FNIP2: variants seen among roughly 807,000 people sequenced by gnomAD.
The protein encoded by FNIP2 is folliculin-interacting protein 2.
A neutral mutation model predicts 108.7 loss-of-function variants in FNIP2; 32 were observed. The observed-to-expected ratio is 0.29, with a 90% CI of 0.22 to 0.40. The LOEUF (loss-of-function observed/expected upper bound fraction) is 0.40, where lower values mean the gene tolerates loss of function less well. Ranked by LOEUF, FNIP2 falls within the 10% of genes least tolerant of loss-of-function variation. The pLI, the probability that FNIP2 is intolerant of heterozygous loss-of-function variation, is 1.00. For missense variants in FNIP2, 1,202 were observed against 1,381.6 expected (o/e 0.87, Z 2.06); for synonymous variants, 480 against 496.7 (o/e 0.97, Z 0.45).
At chr4:158,839,903 A>G (rs1779028135) in intron 7 of FNIP2, among the ~76,000 whole-genome samples, 1 of 152,218 alleles carries the variant, frequency 6.6e-6, no homozygotes, top group Non-Finnish European at 1.5e-5. Context: ...AAGCAGCACA[A>G]GCTGGGGCAG....
chr4:158,835,561 A>AGGGT, intron 7 of FNIP2, 85 bp downstream of exon 7: 1 of 1,207,436 alleles, frequency 8.3e-7, no homozygotes, highest in Non-Finnish European at 1.2e-6. Context: ...AGACAGGTAG[A>AGGGT]TAACCCTCAT....
Position 158,868,199 on chromosome 4 carries a change from G to C in FNIP2, c.1563G>C (p.Leu521=), listed in dbSNP as rs757770926. ...KDLVQRILYV[L]TYFLRCSELQ... ...TAGTCCAGCGAATACTTTATGTCCTGACCTACTTTCTCCGTTGCTCTGAGC... is the reference window on the plus strand; with the variant it reads ...TAGTCCAGCGAATACTTTATGTCCTCACCTACTTTCTCCGTTGCTCTGAGC... Residue 521 remains leucine (L), a synonymous_variant, in exon 13 of 17, where the codon CTG becomes CTC. Transcript: ENST00000264433. The surrounding 1 kb of genome is among the most constrained non-coding windows in gnomAD (Gnocchi z 4.6). The C allele has an allele frequency of 1.2e-6, 2 of 1,614,046 alleles. No homozygotes were observed. The highest frequency in any genetic ancestry group is 1.7e-6 in the Non-Finnish European group (2 of 1,179,900).
rs901726314 is a variant in FNIP2, at chr4:158,835,549, G to A, written c.727+73G>A. On this transcript the variant is annotated intron_variant, in intron 7 of 16. Coordinates refer to ENST00000264433, the MANE Select transcript of FNIP2 (RefSeq NM_020840.3). ...CAGTGGTGTGGAAGGTGGGAAAGTA[G>A]AAGACAGGTAGATAACCCTCATCCT... 2.2e-6 allele frequency: 3 copies of A among 1,364,016 alleles called. No homozygotes were observed. In the African/African-American group the frequency reaches 4.3e-5, roughly 20 times the overall value. 84.5% of individuals were successfully genotyped at this position (1,364,016 alleles called of 1,614,324 possible). A position where few individuals can be genotyped will look rare whatever the true frequency, so the allele number is the denominator to read the frequency against.
chr4:158,806,477 G>C (rs1394615974), intron 1 of FNIP2: 3 of 1,165,624 alleles, frequency 2.6e-6, no homozygotes, highest in Admixed American at 2.4e-5. Context: ...TTAATTTACT[G>C]TGTAGTAAGG....
intron 7 of FNIP2, 78 bp from the exon 8 acceptor site, chr4:158,851,241 TAC>T (rs1003228693): frequency 6.8e-7 from 1 of 1,479,052 alleles, no homozygotes; most frequent in African/African-American, 1.4e-5. Flanking sequence ...TGATATTAAA[TAC>T]ATTCTTAATG....
chr4:158,806,029 G>T lies in FNIP2; in HGVS notation c.108-19887G>T, dbSNP rs1028264540. The T allele has an allele frequency of 5.4e-5, 39 of 721,728 alleles. No individual in the cohort carries two copies. In the Admixed American group the frequency reaches 2.0e-3, roughly 36 times the overall value. 44.7% of individuals were successfully genotyped at this position (721,728 alleles called of 1,614,324 possible). ...GGCAGGCTTAATTTACGTAACAAAT[G>T]AATGTTCCACCTTTTTTTTTTTTTA... On this transcript the variant is annotated intron_variant, in intron 1 of 16. Transcript: ENST00000264433.
At chr4:158,814,498 A>G (rs1329209574) in intron 1 of FNIP2, among the ~76,000 whole-genome samples, 4 of 152,216 alleles carry the variant, frequency 2.6e-5, no homozygotes, top group Non-Finnish European at 5.9e-5. Flanking sequence ...CCCTGCCTAC[A>G]TGCAAACACC....
intron 1 of FNIP2, among the ~76,000 whole-genome samples, chr4:158,812,821 A>G (rs183067382): frequency 1.3e-5 from 2 of 151,504 alleles, no homozygotes; most frequent in Admixed American, 1.3e-4. Flanking sequence ...CAAAAGTATA[A>G]TGACATGTAT....
intron 14 of FNIP2, among the ~76,000 whole-genome samples, chr4:158,878,913 A>G (rs1781432420): frequency 7.4e-6 from 1 of 135,170 alleles, no homozygotes; most frequent in Admixed American, 7.4e-5. Context: ...CTGAAATTAA[A>G]ACTCCAGGTA....
At chr4:158,883,396 T>C (rs1212457106) in intron 14 of FNIP2, among the ~76,000 whole-genome samples, 9 of 152,050 alleles carry the variant, frequency 5.9e-5, no homozygotes, top group East Asian at 1.9e-4. Context: ...CGCCCGCCAC[T>C]ATGCCCGGCT....
chr4:158,886,421 G>A (rs1782027863), intron 14 of FNIP2, among the ~76,000 whole-genome samples: 1 of 152,164 alleles, frequency 6.6e-6, no homozygotes, highest in African/African-American at 2.4e-5. Flanking sequence ...ACCCAATTAA[G>A]TTTCTGTGGG....
At chr4:158,804,633 T>G (rs927516455) in intron 1 of FNIP2, among the ~76,000 whole-genome samples, 1 of 152,126 alleles carries the variant, frequency 6.6e-6, no homozygotes, top group Non-Finnish European at 1.5e-5. Flanking sequence ...GGCTGGTCTT[T>G]AAATCCTGCT....
intron 1 of FNIP2, among the ~76,000 whole-genome samples, chr4:158,814,000 T>C (rs961526939): frequency 2.0e-5 from 3 of 152,252 alleles, no homozygotes; most frequent in Admixed American, 6.5e-5. Context: ...TGTGGATTTT[T>C]TTCTGAAGTC....
At chr4:158,847,019 C>T (rs1779442798) in intron 7 of FNIP2, among the ~76,000 whole-genome samples, 1 of 152,210 alleles carries the variant, frequency 6.6e-6, no homozygotes, top group Admixed American at 6.5e-5. Context: ...CAACACCAGG[C>T]AGAGCTCAGC....
chr4:158,796,966 G>C (rs1292278835), intron 1 of FNIP2, among the ~76,000 whole-genome samples: 1 of 152,156 alleles, frequency 6.6e-6, no homozygotes. Flanking sequence ...CTTGTACTCA[G>C]CCTGATCATG....
intron 14 of FNIP2, chr4:158,889,784 T>C (rs1782192920): frequency 1.0e-6 from 1 of 974,408 alleles, no homozygotes; most frequent in Non-Finnish European, 1.2e-6. Flanking sequence ...AAAATACAAA[T>C]ATTTGAAGTG....
chr4:158,825,404 C>T (rs1181297322), intron 1 of FNIP2, among the ~76,000 whole-genome samples: 3 of 152,112 alleles, frequency 2.0e-5, no homozygotes, highest in African/African-American at 4.8e-5. Flanking sequence ...TAGCCATAAT[C>T]GGGGAAGATA....
chr4:158,777,486 A>G lies in FNIP2; in HGVS notation c.107+8167A>G, dbSNP rs559052912. On this transcript the variant is annotated intron_variant, in intron 1 of 16. Transcript: ENST00000264433. ...GAATCTGACATGTTCTTTAAAAAGA[A>G]TGTGCCAGACTAACATATCATTAAT... Among the ~76,000 whole-genome samples the G allele has an allele frequency of 5.9e-5, 9 of 152,380 alleles. No homozygotes were observed. The South Asian group carries it at 1.9e-3, about 32-fold the overall frequency.
At position 158,769,096 on chromosome 4, in the gene FNIP2, C is replaced by T. The variant is rs927452025; in HGVS notation, c.-117C>T. 8.0e-6 allele frequency: 2 copies of T among 249,024 alleles called. No individual in the cohort carries two copies. The highest frequency in any genetic ancestry group is 6.7e-5 in the Admixed American group (1 of 14,862). The allele number at this position is 249,024 out of a possible 1,614,324, so 15.4% of individuals were successfully genotyped here. On this transcript the variant is annotated 5_prime_UTR_variant, in exon 1 of 17. Coordinates refer to ENST00000264433, the MANE Select transcript of FNIP2 (RefSeq NM_020840.3). The stretch of plus-strand genomic sequence containing the variant: ...CTCAGTCGCAGCGGCCCCGCGCTCC[C>T]GCAAGGCTGGGCGGCCGCGCCGCCG...
Sources: allele counts gnomAD v4.1 joint callset (sites outside exome capture counted in the v4.1 genomes callset), GRCh38; gene constraint gnomAD v4.1.1; non-coding constraint Gnocchi (gnomAD v3.1); transcripts MANE v1.5; gene names NCBI Gene and HGNC (gene_info 2026-07-23, HGNC 2026-07-21).